LARGE1: variants seen among roughly 807,000 people sequenced by gnomAD.
LARGE1 encodes LARGE xylosyl- and glucuronyltransferase 1, also known as xylosyl- and glucuronyltransferase LARGE1.
A neutral mutation model predicts 87.6 loss-of-function variants in LARGE1; 43 were observed. That is an observed-to-expected ratio of 0.49 (90% CI 0.38 to 0.63). LARGE1 has a LOEUF of 0.63. Ranked by LOEUF, LARGE1 falls within the 30% of genes least tolerant of loss-of-function variation. The pLI is 0.00. For synonymous variants in LARGE1, 434 were observed against 394.6 expected, an observed-to-expected ratio of 1.10 and a Z score of -1.18; for missense variants, 802 against 1,000.2, an observed-to-expected ratio of 0.80 and a Z score of 2.67.
intron 1 of LARGE1, among the ~76,000 whole-genome samples, chr22:33,782,190 T>C (rs942347009): frequency 2.0e-5 from 3 of 152,294 alleles, no homozygotes; most frequent in Admixed American, 6.5e-5. Flanking sequence ...ATCAACTATT[T>C]TTAAAAATGT....
chr22:33,624,408 G>A (rs1039934646), intron 4 of LARGE1, among the ~76,000 whole-genome samples: 3 of 152,134 alleles, frequency 2.0e-5, no homozygotes, highest in Non-Finnish European at 4.4e-5. Context: ...GCTGGTAGAC[G>A]AGAAACCCCA....
chr22:33,418,791 C>G (rs1262747492), intron 7 of LARGE1, among the ~76,000 whole-genome samples: 1 of 152,144 alleles, frequency 6.6e-6, no homozygotes, highest in Non-Finnish European at 1.5e-5. Flanking sequence ...CGGCTCCCAT[C>G]CTATGAGGCT....
chr22:33,825,332 G>A (rs1398159202), intron 1 of LARGE1, among the ~76,000 whole-genome samples: 5 of 152,136 alleles, frequency 3.3e-5, no homozygotes, highest in South Asian at 4.1e-4. Context: ...AGACATACCC[G>A]AGACTGGGTA....
At chr22:33,642,353 C>G (rs760967639) in intron 3 of LARGE1, among the ~76,000 whole-genome samples, 1 of 152,138 alleles carries the variant, frequency 6.6e-6, no homozygotes, top group Non-Finnish European at 1.5e-5. Context: ...TTTGTCACCA[C>G]TAGGCCTGCC....
At chr22:33,417,674 G>GC (rs1252676578) in intron 7 of LARGE1, among the ~76,000 whole-genome samples, 2 of 152,278 alleles carry the variant, frequency 1.3e-5, no homozygotes, top group East Asian at 3.9e-4. Flanking sequence ...TCAAGGTGCA[G>GC]CCATCCAGGG....
At chr22:33,835,509 CAGGCTGGTGGATCTG>C (rs2063086112) in intron 1 of LARGE1, among the ~76,000 whole-genome samples, 1 of 152,226 alleles carries the variant, frequency 6.6e-6, no homozygotes, top group South Asian at 2.1e-4. Context: ...CAGCATTCCC[CAGGCTGGTGGATCTG>C]AGCTGCCTAA....
At chr22:33,584,478 TA>T (rs2078611174) in intron 5 of LARGE1, among the ~76,000 whole-genome samples, 2 of 152,250 alleles carry the variant, frequency 1.3e-5, no homozygotes, top group Non-Finnish European at 2.9e-5. Context: ...TAGTTTTCAC[TA>T]AATTCTTGGA....
chr22:33,284,445 A>G (rs757685012), intron 12 of LARGE1, among the ~76,000 whole-genome samples: 5 of 150,772 alleles, frequency 3.3e-5, no homozygotes, highest in Non-Finnish European at 5.9e-5. Flanking sequence ...CTGGCCTTCC[A>G]CTCTGCTCCT....
intron 12 of LARGE1, among the ~76,000 whole-genome samples, chr22:33,301,179 T>C (rs1401961156): frequency 6.6e-6 from 1 of 152,152 alleles, no homozygotes; most frequent in Non-Finnish European, 1.5e-5. Flanking sequence ...AATGAATCCA[T>C]CTACTCACCA....
intron 2 of LARGE1, among the ~76,000 whole-genome samples, chr22:33,658,449 C>T (rs969534444): frequency 3.9e-5 from 6 of 152,178 alleles, no homozygotes; most frequent in African/African-American, 1.2e-4. Context: ...CCCCTGCCAA[C>T]TCCCCAACAG....
intron 13 of LARGE1, among the ~76,000 whole-genome samples, chr22:33,278,498 G>A (rs1298120473): frequency 6.6e-6 from 1 of 151,930 alleles, no homozygotes; most frequent in African/African-American, 2.4e-5. Flanking sequence ...ATAAGAAGCA[G>A]CTAATATTAG....
intron 6 of LARGE1, among the ~76,000 whole-genome samples, chr22:33,487,116 C>T (rs777532029): frequency 8.5e-5 from 13 of 152,180 alleles, no homozygotes; most frequent in Non-Finnish European, 1.5e-4. Context: ...CCCAACAAAC[C>T]CCTTAAGAAG....
In LARGE1 at chr22:33,241,162, T is replaced by C. The variant is rs183348017; in HGVS notation, c.1730+63067A>G. On this transcript the variant is annotated intron_variant, in intron 11 of 11. Coordinates refer to the LARGE1 transcript ENST00000608642. Reference sequence around the variant, plus strand: ...TGCCTCATCACTTAAACTCACTATTTTGTACTCCTGCTTCAGCTATAGGGA... The same window carrying C: ...TGCCTCATCACTTAAACTCACTATTCTGTACTCCTGCTTCAGCTATAGGGA... Among the ~76,000 whole-genome samples, 328 of 152,328 alleles carry C rather than the reference T, an allele frequency of 2.2e-3. 2 individuals carry two copies. Among genetic ancestry groups the C allele is most frequent in the Non-Finnish European group, 3.0e-3 (205 of 68,034 alleles).
At chr22:33,295,134 T>G (rs768831682) in intron 12 of LARGE1, among the ~76,000 whole-genome samples, 4 of 152,228 alleles carry the variant, frequency 2.6e-5, no homozygotes, top group Admixed American at 6.5e-5. Flanking sequence ...TGCACTCATA[T>G]TCTCGTGGAT....
chr22:33,676,207 C>T (rs2081571958), intron 2 of LARGE1, among the ~76,000 whole-genome samples: 1 of 150,780 alleles, frequency 6.6e-6, no homozygotes, highest in Admixed American at 6.6e-5. Context: ...TTGAGTTTAC[C>T]CTAAAGAGAC....
chr22:33,772,334 A>AC, intron 1 of LARGE1, among the ~76,000 whole-genome samples: 1 of 150,474 alleles, frequency 6.6e-6, no homozygotes, highest in East Asian at 2.0e-4. Context: ...CTCTGCCTCA[A>AC]AAAAAAAAGG....
At chr22:33,770,306 C>T (rs1004188920) in intron 1 of LARGE1, among the ~76,000 whole-genome samples, 2 of 152,190 alleles carry the variant, frequency 1.3e-5, no homozygotes, top group African/African-American at 4.8e-5. Flanking sequence ...TTATGAAAGT[C>T]ATCAGCTCAT....
chr22:33,608,158 G>A (rs191288346), intron 4 of LARGE1, among the ~76,000 whole-genome samples: 6 of 152,152 alleles, frequency 3.9e-5, no homozygotes, highest in Admixed American at 1.3e-4. Context: ...TCTTATTAAC[G>A]GAGAATGGAT....
At chr22:33,860,872 C>T (rs10854637) in intron 1 of LARGE1, among the ~76,000 whole-genome samples, 31,839 of 151,984 alleles carry the variant, frequency 0.21, 4,032 homozygotes, top group East Asian at 0.32. Flanking sequence ...ACACCGTGGG[C>T]GCAGCCAGCC....
Sources: allele counts gnomAD v4.1 joint callset (sites outside exome capture counted in the v4.1 genomes callset), GRCh38; gene constraint gnomAD v4.1.1; transcripts MANE v1.5; gene names NCBI Gene and HGNC (gene_info 2026-07-23, HGNC 2026-07-21).